The following PREP variants were observed in gnomAD, a reference collection of about 807,000 sequenced individuals.
PREP encodes the protein prolyl endopeptidase.
Under a neutral mutation model 87.6 loss-of-function variants are expected in PREP, and 29 were observed. The ratio of observed to expected loss-of-function variants is 0.33; its 90% CI spans 0.25 to 0.45. The LOEUF (loss-of-function observed/expected upper bound fraction) is 0.45, where lower values mean the gene tolerates loss of function less well. PREP is among the 20% of genes least tolerant of loss of function. The pLI is 1.00. For synonymous variants in PREP, 337 were observed against 328.6 expected, an observed-to-expected ratio of 1.03 and a Z score of -0.28; for missense variants, 695 against 886.5, an observed-to-expected ratio of 0.78 and a Z score of 2.74.
chr6:105,302,579 TC>T, intron 10 of PREP: 1 of 412,006 alleles, frequency 2.4e-6, no homozygotes, highest in Non-Finnish European at 4.7e-6. Flanking sequence ...AGGCCGCAGG[TC>T]CAGGGGCTTG....
At chr6:105,351,414 T>A (rs1771949476) in intron 7 of PREP, among the ~76,000 whole-genome samples, 1 of 151,356 alleles carries the variant, frequency 6.6e-6, no homozygotes, top group Non-Finnish European at 1.5e-5. Context: ...ACTGTCTTCC[T>A]TTTGGAATCC....
chr6:105,319,801 C>T (rs1018966981), intron 10 of PREP, among the ~76,000 whole-genome samples: 1 of 152,210 alleles, frequency 6.6e-6, no homozygotes. Flanking sequence ...CTGACCACCA[C>T]AGCACTGACC....
intron 10 of PREP, among the ~76,000 whole-genome samples, chr6:105,311,877 C>T (rs1770767646): frequency 6.6e-6 from 1 of 152,172 alleles, no homozygotes; most frequent in African/African-American, 2.4e-5. Flanking sequence ...CTTTAGGAAT[C>T]CCAGAACACT....
chr6:105,312,597 T>C (rs372503862), intron 10 of PREP, among the ~76,000 whole-genome samples: 3 of 152,282 alleles, frequency 2.0e-5, no homozygotes, highest in African/African-American at 7.2e-5. Flanking sequence ...CAATTCAACT[T>C]TGAAGCAATG....
At chr6:105,307,690 G>A (rs546870028) in intron 10 of PREP, among the ~76,000 whole-genome samples, 42 of 152,186 alleles carry the variant, frequency 2.8e-4, no homozygotes, top group Non-Finnish European at 4.4e-4. Context: ...TCGGCTTACC[G>A]CAACCTCCAC....
intron 6 of PREP, among the ~76,000 whole-genome samples, chr6:105,356,675 C>T (rs1251382393): frequency 1.3e-5 from 2 of 152,192 alleles, no homozygotes; most frequent in Non-Finnish European, 2.9e-5. Context: ...GCTGGGGCAA[C>T]TGTAGGATTT....
chr6:105,392,910 T>G (rs751035712), intron 2 of PREP, among the ~76,000 whole-genome samples: 2 of 152,158 alleles, frequency 1.3e-5, no homozygotes, highest in Non-Finnish European at 2.9e-5. Flanking sequence ...ATACTTCAGG[T>G]GTCAGAGGGG....
At chr6:105,352,925 A>C in intron 7 of PREP, 47 bp downstream of exon 7, 1 of 1,491,318 alleles carries the variant, frequency 6.7e-7, no homozygotes, top group Non-Finnish European at 9.3e-7. Context: ...ATACTTTTTA[A>C]ATGAAGTTTC....
intron 6 of PREP, among the ~76,000 whole-genome samples, chr6:105,357,678 C>G (rs73770182): frequency 6.6e-6 from 1 of 152,118 alleles, no homozygotes; most frequent in South Asian, 2.1e-4. Flanking sequence ...TTAAACAACA[C>G]ACACTTAATG....
intron 14 of PREP, chr6:105,280,923 T>C (rs1770068852): frequency 6.6e-6 from 1 of 152,230 alleles, no homozygotes; most frequent in Admixed American, 6.5e-5. Flanking sequence ...CTTTACTTAA[T>C]TTAGAAAAGG....
intron 6 of PREP, among the ~76,000 whole-genome samples, chr6:105,360,671 C>T (rs1007235381): frequency 6.6e-6 from 1 of 152,148 alleles, no homozygotes; most frequent in East Asian, 1.9e-4. Flanking sequence ...TTCACATGTA[C>T]TTGTCTGATA....
intron 7 of PREP, among the ~76,000 whole-genome samples, chr6:105,343,818 G>C (rs1318416842): frequency 6.6e-6 from 1 of 152,190 alleles, no homozygotes; most frequent in Non-Finnish European, 1.5e-5. Flanking sequence ...AAACCACAAT[G>C]AGATTCCATC....
At chr6:105,305,900 G>C (rs1770644419) in intron 10 of PREP, among the ~76,000 whole-genome samples, 1 of 151,892 alleles carries the variant, frequency 6.6e-6, no homozygotes, top group South Asian at 2.1e-4. Context: ...GAGTACAGTG[G>C]TACAATCATA....
chr6:105,302,678 T>C (rs1300819909), intron 10 of PREP: 10 of 487,220 alleles, frequency 2.1e-5, no homozygotes, highest in Non-Finnish European at 3.9e-5. Flanking sequence ...GAATTGTGGA[T>C]GACACGGATC....
At chr6:105,320,807 A>G (rs1293211396) in intron 10 of PREP, among the ~76,000 whole-genome samples, 4 of 152,230 alleles carry the variant, frequency 2.6e-5, no homozygotes, top group Admixed American at 2.6e-4. Flanking sequence ...AAATGAAAAT[A>G]AAATGTAATA....
chr6:105,329,095 A>G, intron 8 of PREP, 69 bp from the exon 9 acceptor site: 1 of 1,411,716 alleles, frequency 7.1e-7, no homozygotes, highest in Non-Finnish European at 9.9e-7. Context: ...TTAATTGAGC[A>G]ACAGTTCCAG....
intron 13 of PREP, 140 bp downstream of exon 13, chr6:105,282,311 G>A: frequency 9.7e-7 from 1 of 1,027,110 alleles, no homozygotes; most frequent in Non-Finnish European, 1.4e-6. Flanking sequence ...AAATACAAAT[G>A]GTACAAATGG....
At chr6:105,317,732 G>T (rs1276288676) in intron 10 of PREP, among the ~76,000 whole-genome samples, 1 of 152,140 alleles carries the variant, frequency 6.6e-6, no homozygotes, top group African/African-American at 2.4e-5. Flanking sequence ...ACTTAGCAGA[G>T]AATCAAACAC....
At chr6:105,290,042 C>T (rs1770269113) in intron 10 of PREP, among the ~76,000 whole-genome samples, 1 of 152,050 alleles carries the variant, frequency 6.6e-6, no homozygotes, top group South Asian at 2.1e-4. Flanking sequence ...CTTTTTGAAA[C>T]CTGCCAAGAA....
Sources: allele counts gnomAD v4.1 joint callset (sites outside exome capture counted in the v4.1 genomes callset), GRCh38; gene constraint gnomAD v4.1.1; transcripts MANE v1.5; gene names NCBI Gene and HGNC (gene_info 2026-07-23, HGNC 2026-07-21).